The following GFRA1 variants were observed in gnomAD, a reference collection of about 807,000 sequenced individuals.
GFRA1 encodes the protein GDNF family receptor alpha-1.
A neutral mutation model predicts 51.6 loss-of-function variants in GFRA1; 16 were observed. The observed-to-expected ratio is 0.31, with a 90% CI of 0.21 to 0.47. GFRA1 has a LOEUF of 0.47. Among genes scored for constraint, GFRA1 ranks in the 20% least tolerant of loss-of-function variants. GFRA1 has a pLI of 1.00. For missense variants in GFRA1, 530 were observed against 594.3 expected (o/e 0.89, Z 1.13); for synonymous variants, 270 against 241.3 (o/e 1.12, Z -1.10).
intron 6 of GFRA1, among the ~76,000 whole-genome samples, chr10:116,113,611 G>T (rs1416777698): frequency 3.3e-5 from 5 of 152,178 alleles, no homozygotes; most frequent in African/African-American, 1.2e-4. Context: ...TTACAAGACA[G>T]GCACATTGTG....
At chr10:116,208,712 T>G (rs1384188694) in intron 5 of GFRA1, among the ~76,000 whole-genome samples, 1 of 152,212 alleles carries the variant, frequency 6.6e-6, no homozygotes, top group Non-Finnish European at 1.5e-5. Context: ...CTTGCTCAGT[T>G]TCTGTTCGAT....
Position 116,061,767 on chromosome 10 carries a change from C to T in GFRA1, c.*2631G>A, listed in dbSNP as rs140003962. On this transcript the variant is annotated 3_prime_UTR_variant, in exon 11 of 11. Transcript: ENST00000355422. ...AGCGAATCATTTTTGCTTTTAAGCA[C>T]GCCAAGAAGAAGTGAGACAGGTAAA... is the stretch of plus-strand genomic sequence containing the variant. The T allele has an allele frequency of 5.6e-4, 213 of 383,112 alleles. No individual in the cohort carries two copies. Among genetic ancestry groups the T allele is most frequent in the African/African-American group, 3.2e-3 (154 of 48,436 alleles). 23.7% of individuals were successfully genotyped at this position (383,112 alleles called of 1,614,324 possible). A position where few individuals can be genotyped will look rare whatever the true frequency, so the allele number is the denominator to read the frequency against.
Position 116,272,018 on chromosome 10 carries a change from C to A in GFRA1, c.12G>T (p.Ala4=). Residue 4 remains alanine (A), a synonymous_variant, in exon 2 of 11, where the codon GCG becomes GCT. Transcript: ENST00000355422. This position sits in a 1 kb window ranked among gnomAD's most constrained non-coding sequence, Gnocchi z 4.4. Reference sequence around the variant, plus strand: ...AGAGCGGCAGCGCGAAGTACAGGGTCGCCAGGAACATGGTGCCGGCGCGGG... The same window carrying A: ...AGAGCGGCAGCGCGAAGTACAGGGTAGCCAGGAACATGGTGCCGGCGCGGG... The part of the protein sequence containing the change: MFL[A]TLYFALPLLD... 6.4e-7 allele frequency: 1 copy of A among 1,557,962 alleles called. No homozygotes were observed. Among genetic ancestry groups the A allele is most frequent in the Non-Finnish European group, 8.7e-7 (1 of 1,151,768 alleles).
intron 4 of GFRA1, among the ~76,000 whole-genome samples, chr10:116,222,530 T>A (rs1965998298): frequency 6.6e-6 from 1 of 152,170 alleles, no homozygotes; most frequent in Non-Finnish European, 1.5e-5. Context: ...GCTCTGCCAC[T>A]GGGAAAGCAA....
At chr10:116,118,864 T>G (rs531324955) in intron 6 of GFRA1, among the ~76,000 whole-genome samples, 78 of 152,252 alleles carry the variant, frequency 5.1e-4, no homozygotes, top group African/African-American at 1.8e-3. Context: ...ACCCTGAGCT[T>G]GGGCAGATGC....
At chr10:116,161,752 A>C (rs1433128189) in intron 5 of GFRA1, among the ~76,000 whole-genome samples, 2 of 152,240 alleles carry the variant, frequency 1.3e-5, no homozygotes, top group East Asian at 1.9e-4. Flanking sequence ...AGGCTCCCTC[A>C]GCCATGTGGA....
chr10:116,089,838 G>T lies in GFRA1; in HGVS notation c.1100C>A (p.Thr367Asn). 1 of 1,613,988 alleles carries T rather than the reference G, an allele frequency of 6.2e-7. No homozygotes were observed. The highest frequency in any genetic ancestry group is 8.5e-7 in the Non-Finnish European group (1 of 1,179,868). ...AFPVQTTTAT[T>N]TTALRVKNKP... ...GTTCTTAACCCGGAGGGCAGTGGTG[G>T]TAGTGGCAGTGGTGGTCTGTACTGG... Residue 367 changes from threonine to asparagine, a missense_variant, in exon 9 of 11, where the codon ACC becomes AAC. Thr to Asn is a moderately conservative substitution (Grantham distance 65). Coordinates refer to ENST00000355422, the MANE Select transcript of GFRA1 (RefSeq NM_005264.8).
At chr10:116,224,458 C>T (rs930310994) in intron 4 of GFRA1, among the ~76,000 whole-genome samples, 4 of 152,048 alleles carry the variant, frequency 2.6e-5, no homozygotes, top group Non-Finnish European at 5.9e-5. Context: ...CATCAACTGA[C>T]GAATGGATAA....
intron 5 of GFRA1, among the ~76,000 whole-genome samples, chr10:116,192,869 C>A: frequency 6.6e-6 from 1 of 152,138 alleles, no homozygotes; most frequent in East Asian, 1.9e-4. Flanking sequence ...CAGAGGCAGT[C>A]CCGGGGGAGT....
At chr10:116,140,884 A>G (rs1456306135) in intron 5 of GFRA1, among the ~76,000 whole-genome samples, 2 of 152,242 alleles carry the variant, frequency 1.3e-5, no homozygotes, top group African/African-American at 4.8e-5. Flanking sequence ...CAGAGGGGGA[A>G]AAGATATCTA....
chr10:116,129,089 T>A (rs545062194), intron 5 of GFRA1, among the ~76,000 whole-genome samples: 22 of 152,184 alleles, frequency 1.4e-4, no homozygotes, highest in Non-Finnish European at 3.2e-4. Context: ...GAAAAAACTA[T>A]TAATTCATAG....
chr10:116,165,663 TCTCACA>T (rs1479937609), intron 5 of GFRA1, among the ~76,000 whole-genome samples: 3 of 99,214 alleles, frequency 3.0e-5, no homozygotes, highest in Non-Finnish European at 6.7e-5. Context: ...TTTCTCTCAC[TCTCACA>T]CACACACACA....
At chr10:116,211,700 A>AAATATT in intron 4 of GFRA1, 55 bp from the exon 5 acceptor site, 1 of 1,337,408 alleles carries the variant, frequency 7.5e-7, no homozygotes, top group South Asian at 1.3e-5. Context: ...AGAGGAGAAA[A>AAATATT]AATATTAATA....
At chr10:116,078,701 T>C (rs954849703) in intron 9 of GFRA1, among the ~76,000 whole-genome samples, 1 of 149,448 alleles carries the variant, frequency 6.7e-6, no homozygotes, top group African/African-American at 2.6e-5. Context: ...TGGATTTTTT[T>C]CTATGTGACA....
intron 6 of GFRA1, among the ~76,000 whole-genome samples, chr10:116,112,002 A>G (rs1284429703): frequency 6.6e-6 from 1 of 152,204 alleles, no homozygotes; most frequent in Non-Finnish European, 1.5e-5. Context: ...GTCTGGTCCT[A>G]CTGAACCAGT....
chr10:116,207,020 A>G (rs772409625), intron 5 of GFRA1, among the ~76,000 whole-genome samples: 6 of 152,222 alleles, frequency 3.9e-5, no homozygotes, highest in African/African-American at 1.2e-4. Flanking sequence ...CAAAACCTGC[A>G]CAAGGGATAT....
chr10:116,199,841 A>G (rs1964186941), intron 5 of GFRA1, among the ~76,000 whole-genome samples: 2 of 152,178 alleles, frequency 1.3e-5, no homozygotes, highest in South Asian at 4.1e-4. Flanking sequence ...GAACACTACC[A>G]TCATCCCAGA....
chr10:116,161,205 A>G (rs80263789), intron 5 of GFRA1, among the ~76,000 whole-genome samples: 3,357 of 152,220 alleles, frequency 0.022, 128 homozygotes, highest in African/African-American at 0.075. Flanking sequence ...TGGGAAACAG[A>G]TGCTCCACAA....
chr10:116,184,097 G>T (rs1349612758), intron 5 of GFRA1, among the ~76,000 whole-genome samples: 1 of 152,232 alleles, frequency 6.6e-6, no homozygotes, highest in Non-Finnish European at 1.5e-5. Flanking sequence ...TGTCTTCTAA[G>T]AAAGTCATTT....
Sources: allele counts gnomAD v4.1 joint callset (sites outside exome capture counted in the v4.1 genomes callset), GRCh38; gene constraint gnomAD v4.1.1; non-coding constraint Gnocchi (gnomAD v3.1); transcripts MANE v1.5; gene names NCBI Gene and HGNC (gene_info 2026-07-23, HGNC 2026-07-21).